ZSCAN30: variants seen among roughly 807,000 people sequenced by gnomAD.
The protein encoded by ZSCAN30 is zinc finger and SCAN domain containing 30.
In ZSCAN30, 37 loss-of-function variants were observed where a neutral mutation model predicts 44.3. The observed-to-expected ratio is 0.84, with a 90% CI of 0.64 to 1.10. The LOEUF is 1.10. ZSCAN30 is among the 50% of genes least tolerant of loss of function. The pLI is 0.00. For missense variants in ZSCAN30, 549 were observed against 582.6 expected (o/e 0.94, Z 0.59); for synonymous variants, 181 against 204.6 (o/e 0.88, Z 0.98).
chr18:35,271,090 G>T (rs960666084), intron 1 of ZSCAN30, among the ~76,000 whole-genome samples: 1 of 152,174 alleles, frequency 6.6e-6, no homozygotes. Flanking sequence ...TAAAGGCAGT[G>T]CAGACCCAAA....
intron 1 of ZSCAN30, among the ~76,000 whole-genome samples, chr18:35,279,602 C>G (rs1339195081): frequency 6.6e-6 from 1 of 152,180 alleles, no homozygotes; most frequent in Non-Finnish European, 1.5e-5. Flanking sequence ...CTGGAAAGTA[C>G]AAGATCAAGG....
chr18:35,287,875 CTT>C (rs61171547), intron 1 of ZSCAN30, among the ~76,000 whole-genome samples: 66 of 140,964 alleles, frequency 4.7e-4, no homozygotes, highest in Non-Finnish European at 5.5e-4. Context: ...TCTTCCTCTT[CTT>C]TTTTTTTTTT....
Position 35,264,286 on chromosome 18 carries a change from T to G in ZSCAN30, c.67A>C (p.Lys23Gln). 1 of 1,614,136 alleles carries G rather than the reference T, an allele frequency of 6.2e-7. No homozygotes were observed. Among genetic ancestry groups the G allele is most frequent in the Non-Finnish European group, 8.5e-7 (1 of 1,180,026 alleles). The change falls in exon 2 of 4, where the codon AAG becomes CAG. Residue 23 changes from lysine (K) to glutamine (Q), a missense_variant. Coordinates refer to ENST00000333206, the MANE Select transcript of ZSCAN30 (RefSeq NM_001112734.4). ...PEEQEGLLVV[K>Q]VEEENYVLDQ... The stretch of plus-strand genomic sequence containing the variant: ...AAAACATAATTTTCTTCTTCAACCT[T>G]GACAACTAGAAGTCCTTCCTGTTCT...
chr18:35,262,692 C>CTAGCACCCCAGAGTGTGG (rs1380731090), intron 3 of ZSCAN30: 2 of 152,306 alleles, frequency 1.3e-5, no homozygotes, highest in Non-Finnish European at 2.9e-5. Context: ...TGGGGAGCTT[C>CTAGCACCCCAGAGTGTGG]TAGCACCCCA....
intron 1 of ZSCAN30, among the ~76,000 whole-genome samples, chr18:35,271,718 G>A (rs1245694832): frequency 6.6e-6 from 1 of 152,222 alleles, no homozygotes; most frequent in Non-Finnish European, 1.5e-5. Flanking sequence ...CACCCGCCGG[G>A]GAGGCTCCAG....
rs766129770 is a variant in ZSCAN30, at chr18:35,251,723, CCCTTCG to C, written c.*1721_*1726del. 6.6e-6 allele frequency: 1 copy of C among 152,190 alleles called. No individual in the cohort carries two copies. Among genetic ancestry groups the C allele is most frequent in the Non-Finnish European group, 1.5e-5 (1 of 68,062 alleles). The allele number at this position is 152,190 out of a possible 1,614,324, so 9.4% of individuals were successfully genotyped here. A position where few individuals can be genotyped will look rare whatever the true frequency, so the allele number is the denominator to read the frequency against. On this transcript the variant is annotated 3_prime_UTR_variant, in exon 4 of 4. Transcript: ENST00000333206. ...ACCTTGTGAAGAAGGTGCTTGCTTC[CCCTTCG>C]CCTTCCACCATGATTTAAGTTTCCT... is the stretch of plus-strand genomic sequence containing the variant.
At chr18:35,261,898 C>G (rs1020571018) in intron 3 of ZSCAN30, 5 of 152,056 alleles carry the variant, frequency 3.3e-5, no homozygotes, top group Non-Finnish European at 5.9e-5. Context: ...GTAGCACCTG[C>G]TTGGTGCAGA....
chr18:35,265,143 G>GA (rs11454441), intron 1 of ZSCAN30, among the ~76,000 whole-genome samples: 2,112 of 133,548 alleles, frequency 0.016, 45 homozygotes, highest in African/African-American at 0.047. Flanking sequence ...CTCCGCCTCA[G>GA]AAAAAAAAAA....
At chr18:35,289,286 T>G (rs2044610968) in intron 1 of ZSCAN30, 1 of 152,056 alleles carries the variant, frequency 6.6e-6, no homozygotes, top group South Asian at 2.1e-4. Flanking sequence ...AAGAAAGCTG[T>G]TTTTTTAAAA....
chr18:35,287,574 CAAAA>C (rs59300208), intron 1 of ZSCAN30, among the ~76,000 whole-genome samples: 6 of 94,674 alleles, frequency 6.3e-5, no homozygotes, highest in African/African-American at 8.7e-5. Flanking sequence ...ATCCACATAC[CAAAA>C]AAAAAAAAAA....
At chr18:35,267,501 A>T (rs2044183402) in intron 1 of ZSCAN30, 1 of 147,358 alleles carries the variant, frequency 6.8e-6, no homozygotes, top group African/African-American at 2.5e-5. Context: ...CGGCGGCGGG[A>T]ACCCACCCCC....
At chr18:35,280,162 G>A (rs774315842) in intron 1 of ZSCAN30, among the ~76,000 whole-genome samples, 7 of 151,858 alleles carry the variant, frequency 4.6e-5, no homozygotes, top group Non-Finnish European at 8.8e-5. Context: ...TATATTCCCA[G>A]CCACTTAGAA....
At chr18:35,282,927 G>A (rs920903668) in intron 1 of ZSCAN30, 7 of 152,142 alleles carry the variant, frequency 4.6e-5, no homozygotes, top group Non-Finnish European at 7.3e-5. Context: ...AGCATTATAA[G>A]AGTGCCTAAC....
chr18:35,271,262 T>C (rs2044268493), intron 1 of ZSCAN30, among the ~76,000 whole-genome samples: 1 of 152,182 alleles, frequency 6.6e-6, no homozygotes, highest in African/African-American at 2.4e-5. Context: ...AGAGAGCTGA[T>C]TGGTCCGTTT....
chr18:35,268,744 C>CT (rs1413301718), intron 1 of ZSCAN30: 2 of 152,064 alleles, frequency 1.3e-5, no homozygotes, highest in Non-Finnish European at 2.9e-5. Context: ...TAAAAATAGA[C>CT]AATAATCTCT....
At chr18:35,266,525 T>G (rs1013624491) in intron 1 of ZSCAN30, among the ~76,000 whole-genome samples, 4 of 152,162 alleles carry the variant, frequency 2.6e-5, no homozygotes, top group African/African-American at 9.7e-5. Context: ...TGGTGCTATT[T>G]GCTGAGCTAT....
At chr18:35,257,123 G>A (rs1371244724) in intron 3 of ZSCAN30, 2 of 152,138 alleles carry the variant, frequency 1.3e-5, no homozygotes, top group African/African-American at 2.4e-5. Flanking sequence ...TGTTCTCTGG[G>A]GTGGCTCCTC....
intron 1 of ZSCAN30, chr18:35,267,503 C>G (rs1180015023): frequency 1.3e-5 from 2 of 151,396 alleles, no homozygotes; most frequent in Non-Finnish European, 2.9e-5. Context: ...GCGGCGGGAA[C>G]CCACCCCCGG....
intron 1 of ZSCAN30, among the ~76,000 whole-genome samples, chr18:35,277,748 C>T (rs2044392231): frequency 6.6e-6 from 1 of 152,124 alleles, no homozygotes; most frequent in East Asian, 1.9e-4. Flanking sequence ...GCTATACCAT[C>T]TAGGTTTGTG....
Sources: gnomAD v4.1 joint callset for allele counts (sites outside exome capture counted in the v4.1 genomes callset) on GRCh38, gnomAD v4.1.1 for gene constraint, MANE v1.5 for transcripts, NCBI Gene and HGNC (gene_info 2026-07-23, HGNC 2026-07-21) for gene names.